The following ESRRG variants were observed in gnomAD, a reference collection of about 807,000 sequenced individuals.
ESRRG encodes the protein estrogen-related receptor gamma.
A neutral mutation model predicts 44.0 loss-of-function variants in ESRRG; 13 were observed. That is an observed-to-expected ratio of 0.30 (90% CI 0.19 to 0.47). The LOEUF is 0.47. Among genes scored for constraint, ESRRG ranks in the 20% least tolerant of loss-of-function variants. ESRRG has a pLI of 1.00. For synonymous variants in ESRRG, 215 were observed against 214.6 expected, an observed-to-expected ratio of 1.00 and a Z score of -0.02; for missense variants, 395 against 580.6, an observed-to-expected ratio of 0.68 and a Z score of 3.29.
intron 2 of ESRRG, among the ~76,000 whole-genome samples, chr1:216,830,102 A>G (rs2095463637): frequency 6.6e-6 from 1 of 152,186 alleles, no homozygotes; most frequent in African/African-American, 2.4e-5. Flanking sequence ...ATGCGGGCCT[A>G]CAATGCATTC....
In ESRRG at chr1:216,960,246, A is replaced by C. The variant is rs191665995; in HGVS notation, c.-105-20573T>G. On this transcript the variant is annotated intron_variant, in intron 1 of 7. Coordinates refer to the ESRRG transcript ENST00000359162. Reference sequence around the variant, plus strand: ...TCATTAGCGACTACATGTATATCATATATGTAGGTTATGAAACATAATAAC... The same window carrying C: ...TCATTAGCGACTACATGTATATCATCTATGTAGGTTATGAAACATAATAAC... 9.6e-4 allele frequency among the ~76,000 whole-genome samples: 146 copies of C among 152,270 alleles called. 1 individual carries two copies. Among genetic ancestry groups the C allele is most frequent in the Non-Finnish European group, 1.6e-3 (112 of 68,026 alleles).
At chr1:216,872,187 T>C (rs964471510) in intron 2 of ESRRG, among the ~76,000 whole-genome samples, 2 of 152,174 alleles carry the variant, frequency 1.3e-5, no homozygotes, top group African/African-American at 4.8e-5. Context: ...TGTTCCTCTA[T>C]AGGAAATGCA....
intron 1 of ESRRG, among the ~76,000 whole-genome samples, chr1:216,722,850 C>T (rs1384846596): frequency 6.6e-6 from 1 of 152,108 alleles, no homozygotes; most frequent in East Asian, 1.9e-4. Flanking sequence ...ATAAGAGGCC[C>T]TCAATAGTAT....
intron 2 of ESRRG, among the ~76,000 whole-genome samples, chr1:216,766,321 T>A (rs1021320048): frequency 6.6e-6 from 1 of 152,070 alleles, no homozygotes; most frequent in African/African-American, 2.4e-5. Context: ...GGTACAATTA[T>A]GCAGAGAAGA....
Position 216,702,709 on chromosome 1 carries a change from C to T in ESRRG, c.56+20535G>A, listed in dbSNP as rs113812507. On this transcript the variant is annotated intron_variant, in intron 1 of 6. Transcript: ENST00000408911. ...GCAGAATCGCTTGAACCCAGGGAAG[C>T]GGGGTTGCAGTGAGCCGAGATCACG... Among the ~76,000 whole-genome samples the T allele has an allele frequency of 3.8e-3, 533 of 141,980 alleles. 10 individuals are homozygous for T. The highest frequency in any genetic ancestry group is 0.029 in the East Asian group (136 of 4,706). The allele number at this position is 141,980 out of a possible 152,430, so 93.1% of individuals were successfully genotyped here. A position where few individuals can be genotyped will look rare whatever the true frequency, so the allele number is the denominator to read the frequency against.
At chr1:216,688,892 A>G (rs970352134) in intron 1 of ESRRG, among the ~76,000 whole-genome samples, 3 of 152,194 alleles carry the variant, frequency 2.0e-5, no homozygotes, top group African/African-American at 7.2e-5. Flanking sequence ...ATTCAGAAAG[A>G]GTGGAGAAGG....
At chr1:216,747,135 T>C (rs2091488756) in intron 2 of ESRRG, among the ~76,000 whole-genome samples, 1 of 152,328 alleles carries the variant, frequency 6.6e-6, no homozygotes, top group South Asian at 2.1e-4. Flanking sequence ...AATCTGATTT[T>C]ACCTATTTGT....
At chr1:216,911,292 C>T (rs1297681095) in intron 2 of ESRRG, among the ~76,000 whole-genome samples, 15 of 151,926 alleles carry the variant, frequency 9.9e-5, no homozygotes, top group Admixed American at 9.9e-4. Flanking sequence ...TTATTCAGTG[C>T]TAAAAAGACG....
chr1:216,798,949 A>T (rs1354059774), intron 2 of ESRRG, among the ~76,000 whole-genome samples: 1 of 152,140 alleles, frequency 6.6e-6, no homozygotes, highest in Non-Finnish European at 1.5e-5. Flanking sequence ...AATCATTGTC[A>T]CAGATTTAGA....
At chr1:216,647,512 C>A (rs984470853) in intron 3 of ESRRG, among the ~76,000 whole-genome samples, 6 of 151,978 alleles carry the variant, frequency 3.9e-5, no homozygotes, top group African/African-American at 1.2e-4. Context: ...AAAATTCTAA[C>A]ATTAAAATCA....
intron 1 of ESRRG, among the ~76,000 whole-genome samples, chr1:217,004,451 T>C (rs1341648588): frequency 6.6e-6 from 1 of 152,178 alleles, no homozygotes; most frequent in South Asian, 2.1e-4. Flanking sequence ...ATGTAAGACA[T>C]GCCCTTGCTT....
At chr1:217,061,501 AAAAG>A (rs1488013724) in intron 1 of ESRRG, among the ~76,000 whole-genome samples, 1 of 152,156 alleles carries the variant, frequency 6.6e-6, no homozygotes, top group East Asian at 1.9e-4. Flanking sequence ...ATATGGAATA[AAAAG>A]ACAGTTGCAC....
intron 2 of ESRRG, among the ~76,000 whole-genome samples, chr1:216,729,219 G>A (rs755592039): frequency 2.0e-5 from 3 of 152,190 alleles, no homozygotes; most frequent in African/African-American, 4.8e-5. Context: ...ATATGATCCC[G>A]TGCGCTGAGG....
intron 2 of ESRRG, among the ~76,000 whole-genome samples, chr1:216,656,152 C>A (rs866487302): frequency 1.3e-5 from 2 of 152,098 alleles, no homozygotes; most frequent in South Asian, 4.1e-4. Context: ...CAGGAGGATG[C>A]AGAAGTTATT....
chr1:217,078,735 T>G (rs75148694), intron 1 of ESRRG, among the ~76,000 whole-genome samples: 1,839 of 152,328 alleles, frequency 0.012, 37 homozygotes, highest in African/African-American at 0.041. Context: ...TAAAATGCAT[T>G]TCCCTCTGCT....
At chr1:216,849,833 A>C (rs138741339) in intron 2 of ESRRG, among the ~76,000 whole-genome samples, 5 of 152,280 alleles carry the variant, frequency 3.3e-5, no homozygotes, top group Admixed American at 6.5e-5. Flanking sequence ...AGCCATCTAT[A>C]CTACAGTTTT....
At chr1:216,763,204 A>C (rs2092892470) in intron 2 of ESRRG, among the ~76,000 whole-genome samples, 1 of 152,088 alleles carries the variant, frequency 6.6e-6, no homozygotes, top group Non-Finnish European at 1.5e-5. Context: ...AATGTATTAG[A>C]TATATTTTCA....
rs568306980 is a variant in ESRRG, at chr1:216,807,669, G to A, written c.-13-130178C>T. Among the ~76,000 whole-genome samples the A allele has an allele frequency of 9.2e-5, 14 of 151,838 alleles. No homozygotes were observed. The East Asian group carries it at 2.1e-3, about 23-fold the overall frequency. Reference sequence around the variant, plus strand: ...AGACGGGAGAGAACAGTAAGTTTCCGGTATTCTCTTAATCTCTTTGCAGCA... The same window carrying A: ...AGACGGGAGAGAACAGTAAGTTTCCAGTATTCTCTTAATCTCTTTGCAGCA... On this transcript the variant is annotated intron_variant, in intron 2 of 7. Transcript: ENST00000359162.
chr1:216,737,894 TTACA>T (rs1339222518), intron 2 of ESRRG, among the ~76,000 whole-genome samples: 1 of 152,106 alleles, frequency 6.6e-6, no homozygotes, highest in Admixed American at 6.6e-5. Flanking sequence ...ATATTCGTCC[TTACA>T]TACAGCCCAC....
Sources: allele counts gnomAD v4.1 joint callset (sites outside exome capture counted in the v4.1 genomes callset), GRCh38; gene constraint gnomAD v4.1.1; transcripts MANE v1.5; gene names NCBI Gene and HGNC (gene_info 2026-07-23, HGNC 2026-07-21).